HPSE2: variants seen among roughly 807,000 people sequenced by gnomAD.
HPSE2 encodes heparanase 2 (inactive).
Under a neutral mutation model 60.5 loss-of-function variants are expected in HPSE2, and 38 were observed. The ratio of observed to expected loss-of-function variants is 0.63; its 90% CI spans 0.48 to 0.82. The LOEUF (loss-of-function observed/expected upper bound fraction) is 0.82. HPSE2 is among the 40% of genes least tolerant of loss of function. HPSE2 has a pLI of 0.00. For synonymous variants in HPSE2, 295 were observed against 293.2 expected, an observed-to-expected ratio of 1.01 and a Z score of -0.06; for missense variants, 713 against 740.4, an observed-to-expected ratio of 0.96 and a Z score of 0.43.
intron 9 of HPSE2, among the ~76,000 whole-genome samples, chr10:98,614,689 G>C (rs1945854193): frequency 6.7e-6 from 1 of 149,650 alleles, no homozygotes; most frequent in Non-Finnish European, 1.5e-5. Flanking sequence ...ATATATAAAA[G>C]TGAGTGAACA....
At chr10:98,703,476 CA>C (rs367557113) in intron 5 of HPSE2, among the ~76,000 whole-genome samples, 108,322 of 151,724 alleles carry the variant, frequency 0.71, 40,677 homozygotes, top group South Asian at 0.95. Flanking sequence ...AGAGACACAA[CA>C]AAAAAAAGAA....
chr10:99,275,286 G>GTTAACCCTTTTTA, the HPSE2 span, among the ~76,000 whole-genome samples: 1 of 152,144 alleles, frequency 6.6e-6, no homozygotes, highest in Non-Finnish European at 1.5e-5. Flanking sequence ...ACCGTTTACA[G>GTTAACCCTTTTTA]TTAACCCTTT....
intron 9 of HPSE2, among the ~76,000 whole-genome samples, chr10:98,588,451 C>G (rs756110384): frequency 9.2e-5 from 14 of 152,172 alleles, no homozygotes; most frequent in Non-Finnish European, 1.8e-4. Context: ...GAAACAGTGT[C>G]TTGGTGTGAT....
chr10:99,235,970 G>C, upstream of HPSE2: 1 of 300,364 alleles, frequency 3.3e-6, no homozygotes, highest in South Asian at 6.6e-5. Context: ...TCTCTCTCTC[G>C]CTCGCTCGCT....
At chr10:98,917,996 C>T (rs1590073770) in intron 3 of HPSE2, among the ~76,000 whole-genome samples, 1 of 152,278 alleles carries the variant, frequency 6.6e-6, no homozygotes, top group East Asian at 1.9e-4. Context: ...CAAGATAACT[C>T]AGGCCGTCAA....
At chr10:98,536,605 T>C (rs1943290527) in intron 9 of HPSE2, among the ~76,000 whole-genome samples, 1 of 152,162 alleles carries the variant, frequency 6.6e-6, no homozygotes, top group Non-Finnish European at 1.5e-5. Flanking sequence ...CAGAGTCAGG[T>C]AAGGCAGGAG....
At chr10:99,050,353 G>A (rs1957963041) in intron 3 of HPSE2, among the ~76,000 whole-genome samples, 1 of 151,648 alleles carries the variant, frequency 6.6e-6, no homozygotes, top group South Asian at 2.1e-4. Context: ...TGGTAAGAAT[G>A]TGGAGAAAAG....
chr10:99,115,160 T>TG (rs1266663704), intron 3 of HPSE2, among the ~76,000 whole-genome samples: 1 of 148,170 alleles, frequency 6.7e-6, no homozygotes, highest in East Asian at 2.0e-4. Flanking sequence ...AATGTGTTTT[T>TG]TTTTTTTTTT....
At chr10:99,254,179 T>C in the HPSE2 span, among the ~76,000 whole-genome samples, 1 of 152,152 alleles carries the variant, frequency 6.6e-6, no homozygotes, top group Admixed American at 6.6e-5. Context: ...TCATTAACAG[T>C]AGACTGGATA....
intron 2 of HPSE2, among the ~76,000 whole-genome samples, chr10:99,198,388 C>T (rs1848470807): frequency 6.6e-6 from 1 of 152,196 alleles, no homozygotes; most frequent in African/African-American, 2.4e-5. Flanking sequence ...GGAGCTTACT[C>T]TCCTCATAAT....
intron 9 of HPSE2, among the ~76,000 whole-genome samples, chr10:98,507,073 A>G (rs780874346): frequency 6.6e-5 from 10 of 152,234 alleles, no homozygotes; most frequent in Non-Finnish European, 1.3e-4. Context: ...AAGCACACAT[A>G]TATTTGTAAT....
chr10:98,490,185 G>T lies in HPSE2; in HGVS notation c.1332C>A (p.Leu444=), dbSNP rs1436441575. The change falls in exon 10 of 12, where the codon CTC becomes CTA. Residue 444 remains leucine (L), a synonymous_variant. Coordinates refer to ENST00000370552, the MANE Select transcript of HPSE2 (RefSeq NM_021828.5). Reference sequence around the variant, plus strand: ...CGATCAGGCGCTTGTAGAGGAGAGAGAGCCAGTAGTCCTGAGGAGAATAGA... The same window carrying T: ...CGATCAGGCGCTTGTAGAGGAGAGATAGCCAGTAGTCCTGAGGAGAATAGA... ...QNFNPLPDYW[L]SLLYKRLIGP... 1 of 1,614,024 alleles carries T rather than the reference G, an allele frequency of 6.2e-7. No homozygotes were observed. The highest frequency in any genetic ancestry group is 1.3e-5 in the African/African-American group (1 of 74,926).
At chr10:98,890,843 C>T (rs1030893415) in intron 3 of HPSE2, among the ~76,000 whole-genome samples, 3 of 152,176 alleles carry the variant, frequency 2.0e-5, no homozygotes, top group Non-Finnish European at 4.4e-5. Flanking sequence ...ATTTTAGTGA[C>T]AGGACTAGAT....
At chr10:98,820,072 G>A (rs1024550396) in intron 3 of HPSE2, among the ~76,000 whole-genome samples, 2 of 151,818 alleles carry the variant, frequency 1.3e-5, no homozygotes, top group Non-Finnish European at 2.9e-5. Flanking sequence ...GTGGACACTG[G>A]GAGTCAAATT....
At chr10:98,483,617 C>G (rs1042915231) in intron 10 of HPSE2, among the ~76,000 whole-genome samples, 1 of 152,136 alleles carries the variant, frequency 6.6e-6, no homozygotes, top group Non-Finnish European at 1.5e-5. Flanking sequence ...ACTAAGTGAT[C>G]GCGTGATTTG....
chr10:98,666,848 T>C (rs577028406), intron 6 of HPSE2, among the ~76,000 whole-genome samples: 1 of 152,104 alleles, frequency 6.6e-6, no homozygotes, highest in East Asian at 1.9e-4. Context: ...TTCAAATTAA[T>C]AAGCTAACAT....
chr10:98,766,746 G>A (rs757688672), intron 3 of HPSE2, among the ~76,000 whole-genome samples: 5 of 151,954 alleles, frequency 3.3e-5, no homozygotes, highest in East Asian at 1.9e-4. Flanking sequence ...GCAACATGGC[G>A]AAACCCAATC....
Position 99,126,835 on chromosome 10 carries a change from T to C in HPSE2, c.610+17403A>G, listed in dbSNP as rs7070049. On this transcript the variant is annotated intron_variant, in intron 3 of 11. Coordinates refer to ENST00000370552, the MANE Select transcript of HPSE2 (RefSeq NM_021828.5). This position sits in a 1 kb window ranked among gnomAD's most constrained non-coding sequence, Gnocchi z 4.0. ...CACATCATAGGACTCTTTGCAGACA[T>C]TCCCCAGAACCAGCTTGGAGCCTGG... Among the ~76,000 whole-genome samples the C allele has an allele frequency of 0.033, 5,004 of 152,198 alleles. 287 individuals carry two copies. Among genetic ancestry groups the C allele is most frequent in the African/African-American group, 0.11 (4,690 of 41,506 alleles).
intron 2 of HPSE2, among the ~76,000 whole-genome samples, chr10:99,197,621 C>A (rs1159583742): frequency 6.6e-6 from 1 of 152,024 alleles, no homozygotes; most frequent in East Asian, 1.9e-4. Context: ...AAGCACTTAG[C>A]AAATAGTAAA....
Sources: allele counts gnomAD v4.1 joint callset (sites outside exome capture counted in the v4.1 genomes callset), GRCh38; gene constraint gnomAD v4.1.1; non-coding constraint Gnocchi (gnomAD v3.1); transcripts MANE v1.5; gene names NCBI Gene and HGNC (gene_info 2026-07-23, HGNC 2026-07-21).